CLVS1: variants seen among roughly 807,000 people sequenced by gnomAD.
CLVS1 encodes clavesin-1.
CLVS1 carries 10 observed loss-of-function variants against 33.1 expected under a neutral mutation model. The observed-to-expected ratio is 0.30, with a 90% confidence interval of 0.19 to 0.51. The LOEUF (loss-of-function observed/expected upper bound fraction) is 0.51. Among genes scored for constraint, CLVS1 ranks in the 20% least tolerant of loss-of-function variants. CLVS1 has a pLI of 0.97. For synonymous variants in CLVS1, 163 were observed against 166.1 expected, an observed-to-expected ratio of 0.98 and a Z score of 0.14; for missense variants, 343 against 433.4, an observed-to-expected ratio of 0.79 and a Z score of 1.85.
chr8:61,010,614 T>C, the CLVS1 span, among the ~76,000 whole-genome samples: 5 of 152,352 alleles, frequency 3.3e-5, no homozygotes, highest in South Asian at 1.0e-3. Flanking sequence ...ATTATGTCCT[T>C]ACTGTTGCCC....
intron 2 of CLVS1, among the ~76,000 whole-genome samples, chr8:61,190,383 G>T (rs938335334): frequency 1.3e-5 from 2 of 152,120 alleles, no homozygotes; most frequent in African/African-American, 4.8e-5. Context: ...AGTGTGTAGA[G>T]GGAAATTTAT....
intron 2 of CLVS1, among the ~76,000 whole-genome samples, chr8:61,225,297 AACTG>A (rs1358945318): frequency 6.6e-6 from 1 of 152,170 alleles, no homozygotes; most frequent in Non-Finnish European, 1.5e-5. Flanking sequence ...CAGCCTGGGC[AACTG>A]ACTGAGACTC....
At chr8:61,267,944 TGGATCGATCAGA>T (rs749341636) in intron 2 of CLVS1, among the ~76,000 whole-genome samples, 42 of 152,344 alleles carry the variant, frequency 2.8e-4, no homozygotes, top group Non-Finnish European at 5.7e-4. Flanking sequence ...TCTTTATTGA[TGGATCGATCAGA>T]GGAGGAGACT....
At chr8:61,206,672 T>C (rs952227473) in intron 2 of CLVS1, among the ~76,000 whole-genome samples, 1 of 150,718 alleles carries the variant, frequency 6.6e-6, no homozygotes, top group African/African-American at 2.4e-5. Flanking sequence ...CACTGCAAGC[T>C]CCGCCTCCAG....
chr8:61,365,567 TG>T, intron 2 of CLVS1, among the ~76,000 whole-genome samples: 1 of 151,968 alleles, frequency 6.6e-6, no homozygotes, highest in African/African-American at 2.4e-5. Flanking sequence ...TGAGTTTCAT[TG>T]GAAGTAGGAG....
chr8:61,083,564 A>G (rs1330171492), intron 1 of CLVS1, among the ~76,000 whole-genome samples: 1 of 152,184 alleles, frequency 6.6e-6, no homozygotes, highest in Non-Finnish European at 1.5e-5. Flanking sequence ...CGTGAACAGA[A>G]TAGGAGCCTT....
At chr8:60,981,778 C>T in the CLVS1 span, among the ~76,000 whole-genome samples, 3 of 152,194 alleles carry the variant, frequency 2.0e-5, no homozygotes, top group African/African-American at 7.2e-5. Flanking sequence ...GTCCTGTCTG[C>T]CGGGAGGCCG....
At chr8:61,403,367 A>G (rs1814847221) in intron 3 of CLVS1, among the ~76,000 whole-genome samples, 1 of 152,316 alleles carries the variant, frequency 6.6e-6, no homozygotes, top group East Asian at 1.9e-4. Flanking sequence ...GGGCTGAAGG[A>G]TGATGCAATC....
intron 2 of CLVS1, among the ~76,000 whole-genome samples, chr8:61,327,907 C>T (rs901867844): frequency 1.3e-5 from 2 of 152,000 alleles, no homozygotes; most frequent in African/African-American, 4.8e-5. Flanking sequence ...GGCATTAGGA[C>T]CCTGAGGAGG....
At chr8:60,984,967 T>C in the CLVS1 span, among the ~76,000 whole-genome samples, 1 of 152,144 alleles carries the variant, frequency 6.6e-6, no homozygotes, top group Non-Finnish European at 1.5e-5. Context: ...AAGTGTTCTG[T>C]AAGCCTCTCA....
intron 1 of CLVS1, among the ~76,000 whole-genome samples, chr8:61,109,178 A>T (rs1282688800): frequency 6.6e-6 from 1 of 152,028 alleles, no homozygotes; most frequent in Admixed American, 6.6e-5. Flanking sequence ...TCGTATCCAC[A>T]TTCTGCTTCT....
At chr8:61,342,205 T>C (rs1344569261) in intron 2 of CLVS1, among the ~76,000 whole-genome samples, 2 of 152,166 alleles carry the variant, frequency 1.3e-5, no homozygotes, top group Admixed American at 1.3e-4. Context: ...CCTGACTCCA[T>C]TCAGCCTCCT....
intron 1 of CLVS1, among the ~76,000 whole-genome samples, chr8:61,105,603 T>C (rs1376676218): frequency 6.6e-6 from 1 of 152,228 alleles, no homozygotes; most frequent in African/African-American, 2.4e-5. Flanking sequence ...AGGTACTCTC[T>C]GTGCCCTGAA....
At chr8:61,050,607 G>A in the CLVS1 span, among the ~76,000 whole-genome samples, 4 of 151,502 alleles carry the variant, frequency 2.6e-5, no homozygotes, top group Non-Finnish European at 5.9e-5. Context: ...CAGTCTCCAT[G>A]CATAGAGAGG....
upstream of CLVS1, among the ~76,000 whole-genome samples, chr8:61,052,905 G>GATCACAC (rs943224123): frequency 6.6e-6 from 1 of 152,198 alleles, no homozygotes; most frequent in Admixed American, 6.5e-5. Context: ...AGGCGGCTGT[G>GATCACAC]ATCACACAGA....
intron 2 of CLVS1, among the ~76,000 whole-genome samples, chr8:61,171,916 T>C (rs1374158941): frequency 1.3e-5 from 2 of 152,158 alleles, no homozygotes; most frequent in African/African-American, 4.8e-5. Flanking sequence ...TCAAGCAGGC[T>C]TGGTGCAAGA....
chr8:61,410,487 T>C (rs1815178078), intron 3 of CLVS1, among the ~76,000 whole-genome samples: 1 of 152,166 alleles, frequency 6.6e-6, no homozygotes, highest in African/African-American at 2.4e-5. Context: ...TGAATAGAAA[T>C]AGAGTTGATT....
chr8:61,172,543 T>C (rs561427438), intron 2 of CLVS1, among the ~76,000 whole-genome samples: 2 of 150,814 alleles, frequency 1.3e-5, no homozygotes, highest in South Asian at 4.3e-4. Context: ...AATTCAAGAG[T>C]TTTAAAAAAT....
intron 2 of CLVS1, among the ~76,000 whole-genome samples, chr8:61,358,792 G>A (rs1812852942): frequency 6.6e-6 from 1 of 152,084 alleles, no homozygotes; most frequent in Non-Finnish European, 1.5e-5. Flanking sequence ...GGATACATCA[G>A]GCACATAGAT....
Sources: allele counts gnomAD v4.1 joint callset (sites outside exome capture counted in the v4.1 genomes callset), GRCh38; gene constraint gnomAD v4.1.1; transcripts MANE v1.5; gene names NCBI Gene and HGNC (gene_info 2026-07-23, HGNC 2026-07-21).